Variants in PAN3 observed in about 807,000 individuals in gnomAD.
The protein encoded by PAN3 is poly(A) specific ribonuclease subunit PAN3, also known as PAN2-PAN3 deadenylation complex subunit PAN3.
PAN3 carries 19 observed loss-of-function variants against 96.2 expected under a neutral mutation model. The observed-to-expected ratio is 0.20, with a 90% confidence interval of 0.14 to 0.29. The LOEUF is 0.29. Among genes scored for constraint, PAN3 ranks in the 10% least tolerant of loss-of-function variants. The pLI, the probability that PAN3 is intolerant of heterozygous loss-of-function variation, is 1.00. For synonymous variants in PAN3, 433 were observed against 406.6 expected (o/e 1.06, Z -0.78); for missense variants, 882 against 1,108.1 (o/e 0.80, Z 2.90).
intron 15 of PAN3, among the ~76,000 whole-genome samples, chr13:28,277,922 C>T (rs964656728): frequency 4.6e-5 from 7 of 152,214 alleles, no homozygotes; most frequent in African/African-American, 1.7e-4. Context: ...AGTATCTTAA[C>T]GCTCCAGAGA....
rs76075716 is a variant in PAN3 at position 28,231,036 on chromosome 13, T to C, written c.1000+10658T>C. ...ATCATTTTAGATCATTTGGCCAAGTTTGGGGACAAGCAGGTAGGTTACTGT... is the reference window on the plus strand; with the variant it reads ...ATCATTTTAGATCATTTGGCCAAGTCTGGGGACAAGCAGGTAGGTTACTGT... On this transcript the variant is annotated intron_variant, in intron 6 of 18. Transcript: ENST00000380958. 9.3e-4 allele frequency among the ~76,000 whole-genome samples: 142 copies of C among 152,256 alleles called. 3 individuals are homozygous for C. In the East Asian group the frequency reaches 0.02, roughly 21 times the overall value.
At chr13:28,189,288 C>T (rs563876258) in intron 4 of PAN3, among the ~76,000 whole-genome samples, 38 of 152,188 alleles carry the variant, frequency 2.5e-4, no homozygotes, top group African/African-American at 7.9e-4. Flanking sequence ...GAGGCCACGC[C>T]GGGTGGATCA....
chr13:28,266,728 G>T lies in PAN3; in HGVS notation c.1425G>T (p.Glu475Asp), dbSNP rs1448756598. The T allele has an allele frequency of 6.3e-7, 1 of 1,588,932 alleles. No individual in the cohort carries two copies. The highest frequency in any genetic ancestry group is 8.6e-7 in the Non-Finnish European group (1 of 1,169,570). Residue 475 changes from glutamate (E) to aspartate (D), a missense_variant, in exon 10 of 19, where the codon GAG (glutamate) becomes GAT (aspartate). Coordinates refer to ENST00000380958, the MANE Select transcript of PAN3 (RefSeq NM_175854.8). ...DQADMPAVPTEVDSYHSLFPL... is the reference protein window; with the variant it reads ...DQADMPAVPTDVDSYHSLFPL... Reference sequence around the variant, plus strand: ...GAATTACTCTAGCAGTTCCTACAGAGGTTGACAGCTACCATAGCCTATTCC... The same window carrying T: ...GAATTACTCTAGCAGTTCCTACAGATGTTGACAGCTACCATAGCCTATTCC...
intron 17 of PAN3, among the ~76,000 whole-genome samples, chr13:28,284,524 T>G (rs1868738399): frequency 6.6e-6 from 1 of 152,186 alleles, no homozygotes; most frequent in Admixed American, 6.5e-5. Flanking sequence ...GAAGGAACTA[T>G]TTCATGGTTT....
rs373874747 is a variant in PAN3, at chr13:28,274,293, G to A, written c.2049+2222G>A. Among the ~76,000 whole-genome samples the A allele has an allele frequency of 3.3e-5, 5 of 152,150 alleles. No homozygotes were observed. The East Asian group carries it at 9.7e-4, about 29-fold the overall frequency. ...TCTTCTCTCTTATACTTAGTGCCTA[G>A]GTAGTTGGCTCCGATTAATTTTTCT... On this transcript the variant is annotated intron_variant, in intron 14 of 18. Transcript: ENST00000380958.
intron 4 of PAN3, among the ~76,000 whole-genome samples, chr13:28,192,090 GGCTGGA>G (rs1189760223): frequency 7.0e-6 from 1 of 142,392 alleles, no homozygotes; most frequent in East Asian, 2.1e-4. Context: ...CTGTCACCCA[GGCTGGA>G]GTGCAGTGGC....
At chr13:28,182,960 CATT>C (rs1319688895) in intron 4 of PAN3, among the ~76,000 whole-genome samples, 1 of 152,102 alleles carries the variant, frequency 6.6e-6, no homozygotes, top group Non-Finnish European at 1.5e-5. Flanking sequence ...ATGATTTTTA[CATT>C]ATTTCTATTC....
At position 28,290,112 on chromosome 13, in the gene PAN3, A is replaced by G. The variant is rs191275131; in HGVS notation, c.2523+1990A>G. 3.4e-4 allele frequency among the ~76,000 whole-genome samples: 52 copies of G among 152,330 alleles called. No individual in the cohort carries two copies. In the East Asian group the frequency reaches 9.6e-3, roughly 28 times the overall value. Reference sequence around the variant, plus strand: ...GCGTGAGAGCCTCGAATAGTTTTACATTTTTAAAGAGTTGTAAAATAAACA... The same window carrying G: ...GCGTGAGAGCCTCGAATAGTTTTACGTTTTTAAAGAGTTGTAAAATAAACA... On this transcript the variant is annotated intron_variant, in intron 18 of 18. Transcript: ENST00000380958.
chr13:28,159,456 A>AT (rs1039909788), intron 1 of PAN3, among the ~76,000 whole-genome samples: 13 of 151,776 alleles, frequency 8.6e-5, no homozygotes, highest in Admixed American at 4.6e-4. Context: ...TTCTGTTTTT[A>AT]TTTTTTTTGA....
At chr13:28,278,868 T>C (rs1887253850) in intron 15 of PAN3, among the ~76,000 whole-genome samples, 1 of 152,074 alleles carries the variant, frequency 6.6e-6, no homozygotes, top group African/African-American at 2.4e-5. Context: ...ATATAGTTTA[T>C]TCACATGGGT....
chr13:28,189,854 A>G (rs1877011212), intron 4 of PAN3, among the ~76,000 whole-genome samples: 5 of 152,168 alleles, frequency 3.3e-5, no homozygotes, highest in Admixed American at 3.3e-4. Flanking sequence ...TTCTGTGTTC[A>G]CTATTGTTTG....
chr13:28,227,622 T>C (rs9582020), intron 6 of PAN3, among the ~76,000 whole-genome samples: 15,293 of 152,248 alleles, frequency 0.1, 993 homozygotes, highest in African/African-American at 0.19. Flanking sequence ...TAATAGTAGA[T>C]GATTTTAAGT....
intron 1 of PAN3, among the ~76,000 whole-genome samples, chr13:28,140,433 A>G (rs777561420): frequency 3.3e-5 from 5 of 152,228 alleles, no homozygotes; most frequent in Admixed American, 6.5e-5. Context: ...AGGCAGTTCA[A>G]TTTGTACATG....
intron 4 of PAN3, among the ~76,000 whole-genome samples, chr13:28,179,294 C>T (rs1268805840): frequency 6.6e-6 from 1 of 152,216 alleles, no homozygotes; most frequent in African/African-American, 2.4e-5. Context: ...AATGTGGAAG[C>T]AAGCAGTAAA....
At position 28,293,867 on chromosome 13, in the gene PAN3, G is replaced by T. The variant is rs1369531108; in HGVS notation, c.*1345G>T. 1 of 152,594 alleles carries T rather than the reference G, an allele frequency of 6.6e-6. No individual in the cohort carries two copies. The highest frequency in any genetic ancestry group is 1.5e-5 in the Non-Finnish European group (1 of 68,036). The allele number at this position is 152,594 out of a possible 1,614,324, so 9.5% of individuals were successfully genotyped here. On this transcript the variant is annotated 3_prime_UTR_variant, in exon 19 of 19. Coordinates refer to ENST00000380958, the MANE Select transcript of PAN3 (RefSeq NM_175854.8). ...AGACTATATCTCCTTTCCCAGCACT[G>T]AATGTTTTACTAGCACTGGGTGCTC...
chr13:28,237,208 A>T (rs1023130999), intron 6 of PAN3, among the ~76,000 whole-genome samples: 1 of 148,884 alleles, frequency 6.7e-6, no homozygotes, highest in Non-Finnish European at 1.5e-5. Flanking sequence ...TTTTTTTTTT[A>T]CATGTTAAGT....
In PAN3 at chr13:28,295,137, TC is replaced by T. The variant is rs747919581; in HGVS notation, c.*2616del. 1.3e-5 allele frequency: 2 copies of T among 152,368 alleles called. No homozygotes were observed. The highest frequency in any genetic ancestry group is 3.9e-4 in the East Asian group (2 of 5,194). The allele number at this position is 152,368 out of a possible 1,614,324, so 9.4% of individuals were successfully genotyped here. Reference sequence around the variant, plus strand: ...TTTAAATTCTGTTAGTGTATTTACTTCATTGTAAATATTTTTGAGGGTACCT... The same window carrying T: ...TTTAAATTCTGTTAGTGTATTTACTTATTGTAAATATTTTTGAGGGTACCT... On this transcript the variant is annotated 3_prime_UTR_variant, in exon 19 of 19. Transcript: ENST00000380958.
chr13:28,197,445 G>C, intron 5 of PAN3, 99 bp downstream of exon 5: 1 of 1,208,604 alleles, frequency 8.3e-7, no homozygotes, highest in Non-Finnish European at 1.1e-6. Context: ...GGATGACTTA[G>C]CTGGTATACT....
chr13:28,254,707 T>A (rs1885001186), intron 6 of PAN3, among the ~76,000 whole-genome samples: 2 of 152,182 alleles, frequency 1.3e-5, no homozygotes, highest in South Asian at 4.1e-4. Flanking sequence ...GGCTTCATAT[T>A]TTTTTTAAGG....
Sources: gnomAD v4.1 joint callset for allele counts (sites outside exome capture counted in the v4.1 genomes callset) on GRCh38, gnomAD v4.1.1 for gene constraint, MANE v1.5 for transcripts, NCBI Gene and HGNC (gene_info 2026-07-23, HGNC 2026-07-21) for gene names.